GPRC5D: variants seen among roughly 807,000 people sequenced by gnomAD.
GPRC5D encodes G protein-coupled receptor class C group 5 member D, also known as G protein-coupled receptor family C group 5 member D.
Under a neutral mutation model 29.3 loss-of-function variants are expected in GPRC5D, and 20 were observed. The observed-to-expected ratio is 0.68, with a 90% CI of 0.48 to 0.99. The LOEUF is 0.99. Ranked by LOEUF, GPRC5D falls within the 50% of genes least tolerant of loss-of-function variation. The pLI is 0.00. For missense variants in GPRC5D, 384 were observed against 423.6 expected, an observed-to-expected ratio of 0.91 and a Z score of 0.82; for synonymous variants, 178 against 171.3, an observed-to-expected ratio of 1.04 and a Z score of -0.30.
At chr12:12,944,837 CCTTCCTTCCT>C (rs1565477302) in intron 1 of GPRC5D, among the ~76,000 whole-genome samples, 309 of 20,476 alleles carry the variant, frequency 0.015, 29 homozygotes, top group Admixed American at 0.041. Context: ...TTCCTTCCTT[CCTTCCTTCCT>C]TCCTTCTTTC....
At chr12:12,946,325 C>A (rs1863331459) in intron 1 of GPRC5D, among the ~76,000 whole-genome samples, 2 of 146,708 alleles carry the variant, frequency 1.4e-5, no homozygotes, top group Admixed American at 6.8e-5. Context: ...TTCTTTCTTT[C>A]TTTCTTTCTT....
chr12:12,941,204 C>T (rs1863137242), intron 2 of GPRC5D, among the ~76,000 whole-genome samples: 1 of 152,206 alleles, frequency 6.6e-6, no homozygotes, highest in African/African-American at 2.4e-5. Context: ...AACCACTGTG[C>T]CAGGCCCTAA....
chr12:12,946,299 CCTTCCTTCCTTT>C (rs1863324649), intron 1 of GPRC5D, among the ~76,000 whole-genome samples: 2 of 56,022 alleles, frequency 3.6e-5, no homozygotes, highest in Non-Finnish European at 7.2e-5. Flanking sequence ...TTTCTTCCTT[CCTTCCTTCCTTT>C]TCTTTCTTTC....
exon 1 of GPRC5D, chr12:12,950,303 A>G: frequency 6.2e-7 from 1 of 1,612,344 alleles, no homozygotes; most frequent in South Asian, 1.1e-5. Context: ...ATGGCCAGGG[A>G]CTCCAGAATG....
At chr12:12,948,513 G>A (rs922457243) in intron 1 of GPRC5D, 2 of 154,342 alleles carry the variant, frequency 1.3e-5, no homozygotes, top group African/African-American at 4.8e-5. Context: ...TGAACATTAT[G>A]TGTGCTGTAC....
intron 2 of GPRC5D, 62 bp downstream of exon 3, chr12:12,942,199 C>T: frequency 9.8e-7 from 1 of 1,020,008 alleles, no homozygotes; most frequent in Non-Finnish European, 1.6e-6. Flanking sequence ...AAGCCTGAGG[C>T]TGTCCTAAGG....
chr12:12,950,301 G>T, exon 1 of GPRC5D: 2 of 1,613,150 alleles, frequency 1.2e-6, no homozygotes, highest in Non-Finnish European at 1.7e-6. Context: ...GTATGGCCAG[G>T]GACTCCAGAA....
intron 1 of GPRC5D, among the ~76,000 whole-genome samples, chr12:12,944,964 T>G (rs1863272102): frequency 6.9e-6 from 1 of 145,738 alleles, no homozygotes; most frequent in African/African-American, 2.5e-5. Context: ...TTTCCTTTTC[T>G]TTCCTTTTCT....
At position 12,944,837 on chromosome 12, in the gene GPRC5D, CCTTCCTTCCTTCCT is replaced by C. The variant is rs1565477304; in HGVS notation, c.896-2523_896-2510del. Among the ~76,000 whole-genome samples the C allele has an allele frequency of 5.4e-3, 110 of 20,500 alleles. 10 individuals carry two copies. Among genetic ancestry groups the C allele is most frequent in the Admixed American group, 0.013 (16 of 1,274 alleles). The allele number at this position is 20,500 out of a possible 152,430, so 13.4% of individuals were successfully genotyped here. On this transcript the variant is annotated intron_variant, in intron 1 of 2. Coordinates refer to ENST00000228887, the Ensembl canonical transcript of GPRC5D. ...TCCTTCCTTCCTTCCTTCCTTCCTT[CCTTCCTTCCTTCCT>C]TCTTTCTTTCTTTCTTTCTTTCTTT...
At chr12:12,943,226 A>G (rs539080542) in intron 1 of GPRC5D, among the ~76,000 whole-genome samples, 20 of 152,322 alleles carry the variant, frequency 1.3e-4, no homozygotes, top group African/African-American at 4.1e-4. Flanking sequence ...AAGCTCTGTG[A>G]AGACAGGAGC....
exon 1 of GPRC5D, chr12:12,949,696 T>C (rs1371945083): frequency 3.1e-6 from 5 of 1,612,596 alleles, no homozygotes; most frequent in Non-Finnish European, 4.2e-6. Flanking sequence ...TCGCTGGAAC[T>C]GCGGGTTGCC....
intron 1 of GPRC5D, among the ~76,000 whole-genome samples, chr12:12,944,833 CCTTCCTTCCTTCCT>C (rs1565477232): frequency 0.011 from 155 of 14,316 alleles, 16 homozygotes; most frequent in Non-Finnish European, 0.026. Flanking sequence ...TTCCTTCCTT[CCTTCCTTCCTTCCT>C]TCCTTCTTTC....
chr12:12,946,365 C>CTTTCTTTCT (rs1452638508), intron 1 of GPRC5D, among the ~76,000 whole-genome samples: 1 of 129,510 alleles, frequency 7.7e-6, no homozygotes, highest in African/African-American at 2.9e-5. Flanking sequence ...TTCTTTCTTT[C>CTTTCTTTCT]TTTTCTTTCT....
chr12:12,940,902 A>G, intron 2 of GPRC5D, 53 bp from the exon 4 acceptor site: 1 of 1,180,996 alleles, frequency 8.5e-7, no homozygotes, highest in Non-Finnish European at 1.3e-6. Context: ...AAGAAATGAT[A>G]TTCTCCAAAG....
chr12:12,946,440 C>CTCTCTCTCTCTTTCTCTCTT (rs1863348124), intron 1 of GPRC5D, among the ~76,000 whole-genome samples: 1 of 10,348 alleles, frequency 9.7e-5, no homozygotes, highest in Non-Finnish European at 1.6e-3. Flanking sequence ...CTCTCTTTCT[C>CTCTCTCTCTCTTTCTCTCTT]TCTCTCTCTC....
At chr12:12,945,647 C>T (rs1863296794) in intron 1 of GPRC5D, among the ~76,000 whole-genome samples, 3 of 152,286 alleles carry the variant, frequency 2.0e-5, no homozygotes, top group Admixed American at 2.0e-4. Context: ...ATCCCAGGAT[C>T]ATGTAAATGG....
rs546705503 is a variant in GPRC5D at position 12,945,813 on chromosome 12, A to G, written c.896-3485T>C. On this transcript the variant is annotated intron_variant, in intron 1 of 2. Transcript: ENST00000228887. The stretch of plus-strand genomic sequence containing the variant: ...GCTGAGCATGTTAAATTTCAATCAA[A>G]TGCTGTGAGAGGATGTATCTATATT... Among the ~76,000 whole-genome samples the G allele has an allele frequency of 3.3e-5, 5 of 152,338 alleles. No individual in the cohort carries two copies. In the South Asian group the frequency reaches 1.0e-3, roughly 32 times the overall value.
chr12:12,940,775 T>TTA lies in GPRC5D; in HGVS notation c.1036_1037dup (p.Ter346TyrfsTer?), dbSNP rs1199193311. The TTA allele has an allele frequency of 6.3e-7, 1 of 1,586,158 alleles. No homozygotes were observed. The highest frequency in any genetic ancestry group is 8.7e-7 in the Non-Finnish European group (1 of 1,154,464). On this transcript the variant is annotated frameshift_variant and stop_lost, in exon 3 of 3. Coordinates refer to ENST00000228887, the Ensembl canonical transcript of GPRC5D. LOFTEE classifies it high-confidence loss of function. ...TTCTCCACTTGTGTTTCCTGTAGAT[T>TTA]TATACTCCTCCTGCATCTTGCTGGG...
chr12:12,945,437 A>T (rs1375335519), intron 1 of GPRC5D, among the ~76,000 whole-genome samples: 1 of 152,180 alleles, frequency 6.6e-6, no homozygotes, highest in Non-Finnish European at 1.5e-5. Context: ...CTGATATTCT[A>T]CTCTAAGATT....
Sources: gnomAD v4.1 joint callset for allele counts (sites outside exome capture counted in the v4.1 genomes callset) on GRCh38, gnomAD v4.1.1 for gene constraint, MANE v1.5 for transcripts, NCBI Gene and HGNC (gene_info 2026-07-23, HGNC 2026-07-21) for gene names.